Variants in AGAP1 observed in about 807,000 individuals in gnomAD.
AGAP1 encodes the protein ArfGAP with GTPase domain, ankyrin repeat and PH domain 1.
In AGAP1, 29 loss-of-function variants were observed where a neutral mutation model predicts 105.3. That is an observed-to-expected ratio of 0.28 (90% CI 0.21 to 0.38). The LOEUF (loss-of-function observed/expected upper bound fraction) is 0.38, where lower values mean the gene tolerates loss of function less well. Ranked by LOEUF, AGAP1 falls within the 10% of genes least tolerant of loss-of-function variation. The probability of loss-of-function intolerance (pLI) is 1.00; values close to 1 mark genes in which losing one functional copy is unlikely to be tolerated. For synonymous variants in AGAP1, 509 were observed against 485.9 expected (o/e 1.05, Z -0.63); for missense variants, 998 against 1,165.1 (o/e 0.86, Z 2.09).
Position 235,908,912 on chromosome 2 carries a change from CTTA to C in AGAP1, c.1324+7_1324+9del. The C allele has an allele frequency of 6.2e-7, 1 of 1,606,604 alleles. No individual in the cohort carries two copies. Among genetic ancestry groups the C allele is most frequent in the East Asian group, 2.2e-5 (1 of 44,718 alleles). On this transcript the variant is annotated splice_region_variant and intron_variant, in intron 11 of 17. Coordinates refer to ENST00000304032, the MANE Select transcript of AGAP1 (RefSeq NM_001037131.3). The surrounding 1 kb of genome is among the most constrained non-coding windows in gnomAD (Gnocchi z 4.4). Reference sequence around the variant, plus strand: ...ACACATCTCACCCAATTCAGGTAAGCTTACAGCAAATGCACTAACAAATCAAGT... The same window carrying C: ...ACACATCTCACCCAATTCAGGTAAGCCAGCAAATGCACTAACAAATCAAGT...
At chr2:235,670,236 C>CCGGCGGCCCGGACCCACGCCCGGTT in intron 1 of AGAP1, 1 of 567,670 alleles carries the variant, frequency 1.8e-6, no homozygotes, top group Admixed American at 2.6e-5. Flanking sequence ...GCGCCGGGCT[C>CCGGCGGCCCGGACCCACGCCCGGTT]CGGCGGCCCG....
chr2:235,851,645 G>T (rs572135991), intron 9 of AGAP1, among the ~76,000 whole-genome samples: 1 of 152,114 alleles, frequency 6.6e-6, no homozygotes, highest in African/African-American at 2.4e-5. Context: ...CGTGTGTGTG[G>T]CCCTGAACCC....
Position 235,871,798 on chromosome 2 carries a change from C to T in AGAP1, c.1051-11547C>T, listed in dbSNP as rs1276623094. On this transcript the variant is annotated intron_variant, in intron 9 of 17. Coordinates refer to ENST00000304032, the MANE Select transcript of AGAP1 (RefSeq NM_001037131.3). ...GGCACCAGGTGCTGCTAGGCTTTCT[C>T]GAGAATTAAACCCAATGGAGATAGT... Among the ~76,000 whole-genome samples the T allele has an allele frequency of 6.6e-5, 10 of 152,314 alleles. No homozygotes were observed. The South Asian group carries it at 1.9e-3, about 28-fold the overall frequency.
chr2:235,867,573 G>GTGTGTGCA lies in AGAP1; in HGVS notation c.1051-15770_1051-15769insTGTGCATG, dbSNP rs1227568318. Among the ~76,000 whole-genome samples the GTGTGTGCA allele has an allele frequency of 2.2e-5, 2 of 90,184 alleles. No individual in the cohort carries two copies. Among genetic ancestry groups the GTGTGTGCA allele is most frequent in the Non-Finnish European group, 2.8e-5 (1 of 36,106 alleles). The allele number at this position is 90,184 out of a possible 152,430, so 59.2% of individuals were successfully genotyped here. On this transcript the variant is annotated intron_variant, in intron 9 of 17. Coordinates refer to ENST00000304032, the MANE Select transcript of AGAP1 (RefSeq NM_001037131.3). This position sits in a 1 kb window ranked among gnomAD's most constrained non-coding sequence, Gnocchi z 5.4. ...TGTGTGTGTGTGTGTGTGTGTGTGT[G>GTGTGTGCA]TGCAAGTGAGGGAGGGTGACCCCCA...
chr2:235,556,564 A>G lies in AGAP1; in HGVS notation c.163+61715A>G, dbSNP rs1040659114. Among the ~76,000 whole-genome samples the G allele has an allele frequency of 2.0e-5, 3 of 152,198 alleles. No individual in the cohort carries two copies. Among genetic ancestry groups the G allele is most frequent in the Admixed American group, 6.5e-5 (1 of 15,284 alleles). On this transcript the variant is annotated intron_variant, in intron 1 of 17. Coordinates refer to ENST00000304032, the MANE Select transcript of AGAP1 (RefSeq NM_001037131.3). This position sits in a 1 kb window ranked among gnomAD's most constrained non-coding sequence, Gnocchi z 5.3. ...CTGACCAGGCACCTTGGGGGAGGGA[A>G]GGCATCAGGAGCCTTCTGCTGAGTT... is the stretch of plus-strand genomic sequence containing the variant.
chr2:235,724,531 C>T lies in AGAP1; in HGVS notation c.310+6887C>T, dbSNP rs1301501772. On this transcript the variant is annotated intron_variant, in intron 3 of 17. Transcript: ENST00000304032. The surrounding 1 kb of genome is among the most constrained non-coding windows in gnomAD (Gnocchi z 4.9). ...GCTCTTTCACTCAGGAGCCTGCCAG[C>T]GTAGGGCAGGGGAAGTCAGTGCCCT... 2.0e-5 allele frequency among the ~76,000 whole-genome samples: 3 copies of T among 152,076 alleles called. No homozygotes were observed. The highest frequency in any genetic ancestry group is 3.9e-4 in the East Asian group (2 of 5,154).
chr2:235,757,729 G>T (rs542995373), intron 6 of AGAP1, among the ~76,000 whole-genome samples: 2 of 152,112 alleles, frequency 1.3e-5, no homozygotes, highest in Non-Finnish European at 2.9e-5. Context: ...AGGGAGCCTC[G>T]GTGTGCTCTT....
At chr2:235,873,282 A>C (rs73996606) in intron 9 of AGAP1, among the ~76,000 whole-genome samples, 1,627 of 152,346 alleles carry the variant, frequency 0.011, 25 homozygotes, top group African/African-American at 0.038. Context: ...GCATGTTTTT[A>C]ATCCACAAAA....
intron 6 of AGAP1, among the ~76,000 whole-genome samples, chr2:235,773,333 A>G (rs1955604862): frequency 6.6e-6 from 1 of 152,202 alleles, no homozygotes; most frequent in Admixed American, 6.5e-5. Flanking sequence ...TTCTATGCAA[A>G]TGAAGATTTG....
At position 235,601,883 on chromosome 2, in the gene AGAP1, C is replaced by T. The variant is rs1285305107; in HGVS notation, c.163+107034C>T. On this transcript the variant is annotated intron_variant, in intron 1 of 17. Transcript: ENST00000304032. This position sits in a 1 kb window ranked among gnomAD's most constrained non-coding sequence, Gnocchi z 4.4. Reference sequence around the variant, plus strand: ...GTTCAACACAATCCAGCCACCACATCACCCAGGTCACTGCAGTAACCTCTT... The same window carrying T: ...GTTCAACACAATCCAGCCACCACATTACCCAGGTCACTGCAGTAACCTCTT... 6.6e-6 allele frequency among the ~76,000 whole-genome samples: 1 copy of T among 152,194 alleles called. No homozygotes were observed. Among genetic ancestry groups the T allele is most frequent in the Non-Finnish European group, 1.5e-5 (1 of 68,030 alleles).
intron 1 of AGAP1, among the ~76,000 whole-genome samples, chr2:235,514,319 A>G (rs1394833441): frequency 1.3e-5 from 2 of 152,240 alleles, no homozygotes; most frequent in Non-Finnish European, 1.5e-5. Flanking sequence ...GGGCTTTTAG[A>G]ATGAAGTTGA....
At chr2:235,762,411 G>A (rs1377159663) in intron 6 of AGAP1, among the ~76,000 whole-genome samples, 3 of 151,156 alleles carry the variant, frequency 2.0e-5, no homozygotes, top group Non-Finnish European at 4.4e-5. Context: ...CAGATCAGGG[G>A]CATCCCTAAA....
rs1384364816 is a variant in AGAP1, at chr2:235,961,949, CCAGG to C, written c.1484-6512_1484-6509del. 6.6e-6 allele frequency among the ~76,000 whole-genome samples: 1 copy of C among 152,156 alleles called. No individual in the cohort carries two copies. The highest frequency in any genetic ancestry group is 2.4e-5 in the African/African-American group (1 of 41,434). Reference sequence around the variant, plus strand: ...GCGAGGGTGGGTGAGCATCCATTTCCCAGGGGAGGGGCCCCGCGCCCATGGAGAC... The same window carrying C: ...GCGAGGGTGGGTGAGCATCCATTTCCGGAGGGGCCCCGCGCCCATGGAGAC... On this transcript the variant is annotated intron_variant, in intron 12 of 17. Transcript: ENST00000304032. The surrounding 1 kb of genome is among the most constrained non-coding windows in gnomAD (Gnocchi z 5.9).
rs1329481202 is a variant in AGAP1, at chr2:236,114,715, C to A, written c.2115-5477C>A. Among the ~76,000 whole-genome samples the A allele has an allele frequency of 6.6e-6, 1 of 152,166 alleles. No individual in the cohort carries two copies. The highest frequency in any genetic ancestry group is 1.5e-5 in the Non-Finnish European group (1 of 68,038). ...CTGGCTTATTGAATTAGGGCTCTATCTTTATAGCATCATTTAACCTTAATT... is the reference window on the plus strand; with the variant it reads ...CTGGCTTATTGAATTAGGGCTCTATATTTATAGCATCATTTAACCTTAATT... On this transcript the variant is annotated intron_variant, in intron 16 of 17. Transcript: ENST00000304032. This position sits in a 1 kb window ranked among gnomAD's most constrained non-coding sequence, Gnocchi z 5.0.
chr2:236,064,129 C>G (rs112577957), intron 16 of AGAP1, among the ~76,000 whole-genome samples: 1,770 of 152,272 alleles, frequency 0.012, 21 homozygotes, highest in South Asian at 0.032. Context: ...GGAAAAGTGA[C>G]TTGCCTATAA....
chr2:235,890,162 CTTT>C (rs3059035), intron 10 of AGAP1, among the ~76,000 whole-genome samples: 3 of 132,464 alleles, frequency 2.3e-5, no homozygotes, highest in African/African-American at 2.8e-5. Flanking sequence ...TAGTTATTCC[CTTT>C]TTTTTTTTTT....
At position 235,733,749 on chromosome 2, in the gene AGAP1, A is replaced by AT. The variant is rs1952083056; in HGVS notation, c.311-7213dup. On this transcript the variant is annotated intron_variant, in intron 3 of 17. Transcript: ENST00000304032. The surrounding 1 kb of genome is among the most constrained non-coding windows in gnomAD (Gnocchi z 5.0). Reference sequence around the variant, plus strand: ...GTCAGAACCCCGGAGTGTTTCACCCATGGAAATAGTCAGCAGTCGCCACAT... The same window carrying AT: ...GTCAGAACCCCGGAGTGTTTCACCCATTGGAAATAGTCAGCAGTCGCCACAT... 6.6e-6 allele frequency among the ~76,000 whole-genome samples: 1 copy of AT among 152,140 alleles called. No individual in the cohort carries two copies. The highest frequency in any genetic ancestry group is 1.5e-5 in the Non-Finnish European group (1 of 68,028).
chr2:235,670,488 G>A (rs977731251), intron 1 of AGAP1: 11 of 513,920 alleles, frequency 2.1e-5, no homozygotes, highest in Admixed American at 1.1e-4. Context: ...GAGGAGGAGG[G>A]ACGCGGCTCG....
chr2:235,850,583 GCTT>G (rs1405537009), intron 9 of AGAP1, among the ~76,000 whole-genome samples: 1 of 152,252 alleles, frequency 6.6e-6, no homozygotes, highest in Non-Finnish European at 1.5e-5. Flanking sequence ...GTGCGGTGTT[GCTT>G]CTTGGTTTCC....
Sources: gnomAD v4.1 joint callset for allele counts (sites outside exome capture counted in the v4.1 genomes callset) on GRCh38, gnomAD v4.1.1 for gene constraint, Gnocchi (gnomAD v3.1) non-coding constraint, MANE v1.5 for transcripts, NCBI Gene and HGNC (gene_info 2026-07-23, HGNC 2026-07-21) for gene names.